Variants in BCAS3 observed in about 807,000 individuals in gnomAD.
The protein encoded by BCAS3 is BCAS3 microtubule associated cell migration factor, also known as BCAS4/BCAS3 fusion.
A neutral mutation model predicts 116.1 loss-of-function variants in BCAS3; 53 were observed. The ratio of observed to expected loss-of-function variants is 0.46; its 90% CI spans 0.37 to 0.57. BCAS3 has a LOEUF of 0.57. BCAS3 is among the 20% of genes least tolerant of loss of function. BCAS3 has a pLI of 0.00. For missense variants in BCAS3, 917 were observed against 1,165.4 expected, an observed-to-expected ratio of 0.79 and a Z score of 3.10; for synonymous variants, 391 against 408.2, an observed-to-expected ratio of 0.96 and a Z score of 0.51.
intron 6 of BCAS3, among the ~76,000 whole-genome samples, chr17:60,771,003 A>G (rs183619504): frequency 4.9e-4 from 75 of 151,554 alleles, no homozygotes; most frequent in Admixed American, 1.9e-3. Context: ...TTTAGTAGAG[A>G]CAGGGTTTTG....
Position 61,037,771 on chromosome 17 carries a change from T to C in BCAS3, c.1763-118T>C. The C allele has an allele frequency of 1.0e-6, 1 of 982,040 alleles. No individual in the cohort carries two copies. The highest frequency in any genetic ancestry group is 2.9e-5 in the Admixed American group (1 of 34,846). 60.8% of individuals were successfully genotyped at this position (982,040 alleles called of 1,614,324 possible). A position where few individuals can be genotyped will look rare whatever the true frequency, so the allele number is the denominator to read the frequency against. On this transcript the variant is annotated intron_variant, in intron 17 of 23. Transcript: ENST00000407086. The surrounding 1 kb of genome is among the most constrained non-coding windows in gnomAD (Gnocchi z 4.7). ...AGAAAAAAAGAAAAAAATTCCTGTCTTTTCATTTTCTCTGAGCAGCCTCAG... is the reference window on the plus strand; with the variant it reads ...AGAAAAAAAGAAAAAAATTCCTGTCCTTTCATTTTCTCTGAGCAGCCTCAG...
At chr17:60,801,191 T>G (rs2047742985) in intron 6 of BCAS3, among the ~76,000 whole-genome samples, 1 of 152,118 alleles carries the variant, frequency 6.6e-6, no homozygotes, top group Non-Finnish European at 1.5e-5. Context: ...TTATCAGCAG[T>G]TAGTAGTTTT....
At position 61,375,124 on chromosome 17, in the gene BCAS3, G is replaced by A. The variant is rs73993477; in HGVS notation, c.2593+6630G>A. On this transcript the variant is annotated intron_variant, in intron 23 of 23. Coordinates refer to ENST00000407086, the MANE Select transcript of BCAS3 (RefSeq NM_017679.5). Reference sequence around the variant, plus strand: ...ATAAAAAGAACACTTTGAACATTAGGCAGTTTTTAAGTGATCACGGGATGG... The same window carrying A: ...ATAAAAAGAACACTTTGAACATTAGACAGTTTTTAAGTGATCACGGGATGG... Among the ~76,000 whole-genome samples, 1,256 of 151,988 alleles carry A rather than the reference G, an allele frequency of 8.3e-3. 13 individuals carry two copies. Among genetic ancestry groups the A allele is most frequent in the African/African-American group, 0.029 (1,202 of 41,466 alleles).
Position 61,136,366 on chromosome 17 carries a change from A to G in BCAS3, c.2425+51802A>G, listed in dbSNP as rs116901856. Among the ~76,000 whole-genome samples, 2,938 of 152,236 alleles carry G rather than the reference A, an allele frequency of 0.019. 52 individuals carry two copies. Among genetic ancestry groups the G allele is most frequent in the Non-Finnish European group, 0.031 (2,126 of 68,012 alleles). Reference sequence around the variant, plus strand: ...CAGATACTGTCTCTTCTTCATCTCTATATCTGTAGAACAGGGTTTCTCAGC... The same window carrying G: ...CAGATACTGTCTCTTCTTCATCTCTGTATCTGTAGAACAGGGTTTCTCAGC... On this transcript the variant is annotated intron_variant, in intron 22 of 23. Coordinates refer to ENST00000407086, the MANE Select transcript of BCAS3 (RefSeq NM_017679.5). This position sits in a 1 kb window ranked among gnomAD's most constrained non-coding sequence, Gnocchi z 4.4.
intron 5 of BCAS3, among the ~76,000 whole-genome samples, chr17:60,738,284 TCGTTTCAG>T (rs2041178202): frequency 6.6e-6 from 1 of 152,248 alleles, no homozygotes; most frequent in Non-Finnish European, 1.5e-5. Flanking sequence ...CTGGATCTGT[TCGTTTCAG>T]ATAGAGGGGT....
At chr17:61,043,293 G>C (rs573532454) in intron 19 of BCAS3, among the ~76,000 whole-genome samples, 2 of 152,100 alleles carry the variant, frequency 1.3e-5, no homozygotes, top group South Asian at 4.2e-4. Context: ...GCTTGAACCT[G>C]GGAGGTGAAG....
At chr17:60,803,612 A>C (rs2048004609) in intron 6 of BCAS3, among the ~76,000 whole-genome samples, 1 of 152,126 alleles carries the variant, frequency 6.6e-6, no homozygotes, top group Admixed American at 6.5e-5. Context: ...TTAACTCAGA[A>C]GTTGAAACAA....
rs143728154 is a variant in BCAS3 at position 61,388,019 on chromosome 17, G to C, written c.2594-3958G>C. 2.0e-5 allele frequency among the ~76,000 whole-genome samples: 3 copies of C among 152,232 alleles called. No homozygotes were observed. The highest frequency in any genetic ancestry group is 1.9e-4 in the East Asian group (1 of 5,180). ...CTGACCAGAATCTCCACACCTCTAA[G>C]GGGGGAGGTGGCTGGGGACACTTCC... On this transcript the variant is annotated intron_variant, in intron 23 of 23. Transcript: ENST00000407086. This position sits in a 1 kb window ranked among gnomAD's most constrained non-coding sequence, Gnocchi z 6.5.
In BCAS3 at chr17:61,198,386, C is replaced by CCACCT. The variant is rs2080623704; in HGVS notation, c.2425+113822_2425+113823insCACCT. Among the ~76,000 whole-genome samples the CCACCT allele has an allele frequency of 6.6e-6, 1 of 151,960 alleles. No individual in the cohort carries two copies. Among genetic ancestry groups the CCACCT allele is most frequent in the Non-Finnish European group, 1.5e-5 (1 of 67,986 alleles). On this transcript the variant is annotated intron_variant, in intron 22 of 23. Coordinates refer to ENST00000407086, the MANE Select transcript of BCAS3 (RefSeq NM_017679.5). This position sits in a 1 kb window ranked among gnomAD's most constrained non-coding sequence, Gnocchi z 5.0. The stretch of plus-strand genomic sequence containing the variant: ...CGATCTCCTGACCTCGTGATCCACC[C>CCACCT]GCCTCGGACTCCCAAAGTGCTGGGA...
At chr17:61,271,437 T>TTTTTTTTTTTTTTTTTTTTTTTG (rs2050251666) in intron 22 of BCAS3, among the ~76,000 whole-genome samples, 2 of 136,214 alleles carry the variant, frequency 1.5e-5, no homozygotes, top group Admixed American at 7.6e-5. Context: ...TTTTTTTTTT[T>TTTTTTTTTTTTTTTTTTTTTTTG]GTCTTAGGTG....
intron 6 of BCAS3, among the ~76,000 whole-genome samples, chr17:60,776,458 C>T (rs767920159): frequency 2.0e-5 from 3 of 152,176 alleles, no homozygotes; most frequent in Non-Finnish European, 2.9e-5. Flanking sequence ...CGGTGGCTCA[C>T]GCCTGTAATC....
chr17:60,921,612 CAAAAAAAAAA>C (rs755864096), intron 12 of BCAS3, among the ~76,000 whole-genome samples: 1 of 33,326 alleles, frequency 3.0e-5, no homozygotes. Flanking sequence ...GACTCCGTCT[CAAAAAAAAAA>C]AAAAAAAAAA....
intron 13 of BCAS3, among the ~76,000 whole-genome samples, chr17:60,936,863 A>G (rs1849579131): frequency 6.6e-6 from 1 of 152,142 alleles, no homozygotes; most frequent in Non-Finnish European, 1.5e-5. Context: ...CTTTAGTTTA[A>G]TTAGATCCCA....
chr17:61,070,378 T>C (rs771140856), intron 19 of BCAS3: 3 of 140,688 alleles, frequency 2.1e-5, no homozygotes, highest in East Asian at 3.1e-4. Flanking sequence ...TATATATATA[T>C]ATATATATAT....
intron 19 of BCAS3, among the ~76,000 whole-genome samples, chr17:61,043,527 T>C (rs549882799): frequency 3.9e-4 from 59 of 152,162 alleles, no homozygotes; most frequent in African/African-American, 1.3e-3. Context: ...GGCCATTGCC[T>C]GTGTGGAGTT....
intron 7 of BCAS3, chr17:60,810,386 T>C: frequency 2.1e-6 from 1 of 469,158 alleles, no homozygotes; most frequent in Non-Finnish European, 4.1e-6. Context: ...CTGGCAGGAC[T>C]GAGAGGCATC....
chr17:60,751,649 T>A (rs1054118749), intron 6 of BCAS3, among the ~76,000 whole-genome samples: 28 of 152,050 alleles, frequency 1.8e-4, no homozygotes, highest in African/African-American at 6.5e-4. Flanking sequence ...TTTAAGCGAT[T>A]CTCCTGCCTC....
At chr17:61,103,750 A>G (rs769630100) in intron 22 of BCAS3, among the ~76,000 whole-genome samples, 7 of 152,282 alleles carry the variant, frequency 4.6e-5, no homozygotes, top group Non-Finnish European at 8.8e-5. Context: ...CACAGCAACT[A>G]TCTTCCTATT....
At chr17:60,814,605 T>C (rs1568309848) in intron 7 of BCAS3, among the ~76,000 whole-genome samples, 1 of 152,178 alleles carries the variant, frequency 6.6e-6, no homozygotes, top group Non-Finnish European at 1.5e-5. Context: ...TAAGAGAGTC[T>C]TTGTGTTAGG....
Sources: gnomAD v4.1 joint callset for allele counts (sites outside exome capture counted in the v4.1 genomes callset) on GRCh38, gnomAD v4.1.1 for gene constraint, Gnocchi (gnomAD v3.1) non-coding constraint, MANE v1.5 for transcripts, NCBI Gene and HGNC (gene_info 2026-07-23, HGNC 2026-07-21) for gene names.